FAT3: variants seen among roughly 807,000 people sequenced by gnomAD.
FAT3 encodes FAT atypical cadherin 3.
In FAT3, 95 loss-of-function variants were observed where a neutral mutation model predicts 310.2. The ratio of observed to expected loss-of-function variants is 0.31; its 90% CI spans 0.26 to 0.36. The LOEUF (loss-of-function observed/expected upper bound fraction) is 0.36. FAT3 is among the 10% of genes least tolerant of loss of function. The pLI is 1.00. For missense variants in FAT3, 5,408 were observed against 5,715.6 expected (o/e 0.95, Z 1.74); for synonymous variants, 2,314 against 2,192.9 (o/e 1.06, Z -1.54).
At chr11:92,887,667 A>T (rs776201651) in intron 25 of FAT3, among the ~76,000 whole-genome samples, 3 of 152,148 alleles carry the variant, frequency 2.0e-5, no homozygotes, top group Non-Finnish European at 2.9e-5. Context: ...TGTTGCATGC[A>T]ATTTCTCGTG....
intron 3 of FAT3, among the ~76,000 whole-genome samples, chr11:92,630,848 T>C (rs1397604962): frequency 6.6e-6 from 1 of 152,188 alleles, no homozygotes; most frequent in Non-Finnish European, 1.5e-5. Context: ...AAAGTATGGC[T>C]TCTTCATGCC....
intron 3 of FAT3, among the ~76,000 whole-genome samples, chr11:92,566,737 A>G (rs1412863057): frequency 2.0e-5 from 3 of 152,080 alleles, no homozygotes; most frequent in Admixed American, 2.0e-4. Flanking sequence ...AACACCGTAT[A>G]TGTACAACTA....
chr11:92,627,595 G>A (rs1350211908), intron 3 of FAT3, among the ~76,000 whole-genome samples: 1 of 152,160 alleles, frequency 6.6e-6, no homozygotes, highest in Non-Finnish European at 1.5e-5. Flanking sequence ...ATAAAAGGAT[G>A]AAGTCATAAA....
chr11:92,306,754 A>T (rs1318920557), intron 1 of FAT3, among the ~76,000 whole-genome samples: 19 of 127,804 alleles, frequency 1.5e-4, no homozygotes, highest in Non-Finnish European at 2.2e-4. Context: ...AATATATATA[A>T]ATATATATAT....
intron 2 of FAT3, among the ~76,000 whole-genome samples, chr11:92,377,162 A>G (rs1162355653): frequency 6.6e-6 from 1 of 152,222 alleles, no homozygotes; most frequent in East Asian, 1.9e-4. Context: ...CATGTTTATG[A>G]CCATAAGCTG....
intron 4 of FAT3, among the ~76,000 whole-genome samples, chr11:92,722,740 C>G (rs556916349): frequency 6.6e-6 from 1 of 152,222 alleles, no homozygotes; most frequent in Non-Finnish European, 1.5e-5. Flanking sequence ...CAATAATTTA[C>G]TTCTGTGCAC....
At chr11:92,330,989 TGTGTGTGTGTGTGTGAGAGA>T (rs1335223341) in intron 1 of FAT3, among the ~76,000 whole-genome samples, 2 of 121,424 alleles carry the variant, frequency 1.6e-5, no homozygotes, top group African/African-American at 1.0e-4. Context: ...TGTGTGTGTG[TGTGTGTGTGTGTGTGAGAGA>T]GAGAGAGAGA....
intron 3 of FAT3, among the ~76,000 whole-genome samples, chr11:92,645,901 G>C (rs1023915872): frequency 1.9e-4 from 29 of 152,202 alleles, no homozygotes; most frequent in Non-Finnish European, 3.2e-4. Flanking sequence ...CCACAGCTCT[G>C]TGTTGAAGTG....
rs138759176 is a variant in FAT3 at position 92,403,804 on chromosome 11, A to C, written c.3292+48400A>C. Reference sequence around the variant, plus strand: ...GTAATCCAAACACTTTGGGAGGACAAGGTGGGAGGATCACGAGGTCAGGAG... The same window carrying C: ...GTAATCCAAACACTTTGGGAGGACACGGTGGGAGGATCACGAGGTCAGGAG... On this transcript the variant is annotated intron_variant, in intron 2 of 27. Coordinates refer to ENST00000525166, the MANE Select transcript of FAT3 (RefSeq NM_001367949.2). Among the ~76,000 whole-genome samples, 56 of 152,308 alleles carry C rather than the reference A, an allele frequency of 3.7e-4. 3 individuals carry two copies. The East Asian group carries it at 0.011, about 29-fold the overall frequency.
intron 3 of FAT3, among the ~76,000 whole-genome samples, chr11:92,585,036 T>C (rs535034225): frequency 6.6e-6 from 1 of 151,906 alleles, no homozygotes; most frequent in Non-Finnish European, 1.5e-5. Context: ...TAAAAAAAAA[T>C]GTAACATCCT....
At chr11:92,241,625 T>C (rs1864671742) in intron 1 of FAT3, among the ~76,000 whole-genome samples, 1 of 152,080 alleles carries the variant, frequency 6.6e-6, no homozygotes, top group Non-Finnish European at 1.5e-5. Flanking sequence ...TAATAGTTAC[T>C]GAAGGTGGAG....
intron 10 of FAT3, 73 bp downstream of exon 10, chr11:92,801,982 G>C: frequency 7.1e-7 from 1 of 1,413,590 alleles, no homozygotes; most frequent in African/African-American, 1.4e-5. Context: ...GGGGAGAAGA[G>C]TAAGAGAGAA....
chr11:92,761,379 T>TA (rs1353644916), intron 4 of FAT3, among the ~76,000 whole-genome samples: 1 of 152,172 alleles, frequency 6.6e-6, no homozygotes, highest in Non-Finnish European at 1.5e-5. Context: ...CTCCTAATAC[T>TA]ATTGCATTGG....
chr11:92,784,711 C>T (rs1404358548), intron 7 of FAT3, among the ~76,000 whole-genome samples: 6 of 152,024 alleles, frequency 3.9e-5, no homozygotes, highest in East Asian at 1.9e-4. Context: ...CAAATGGCCC[C>T]GACTGTGGGA....
chr11:92,665,361 G>T (rs1206492481), intron 3 of FAT3, among the ~76,000 whole-genome samples: 1 of 152,124 alleles, frequency 6.6e-6, no homozygotes, highest in Non-Finnish European at 1.5e-5. Context: ...ACAGATTTTT[G>T]AAAATTTAAC....
At chr11:92,424,095 T>G (rs1258050517) in intron 2 of FAT3, among the ~76,000 whole-genome samples, 1 of 152,136 alleles carries the variant, frequency 6.6e-6, no homozygotes, top group African/African-American at 2.4e-5. Flanking sequence ...TGCTTTGTTT[T>G]GTTTTTTTAT....
intron 1 of FAT3, among the ~76,000 whole-genome samples, chr11:92,322,290 C>A (rs765799440): frequency 1.3e-5 from 2 of 152,050 alleles, no homozygotes; most frequent in Non-Finnish European, 2.9e-5. Context: ...AATATACATA[C>A]CTTAATTTAA....
At chr11:92,478,174 G>A (rs1330113488) in intron 2 of FAT3, among the ~76,000 whole-genome samples, 3 of 152,136 alleles carry the variant, frequency 2.0e-5, no homozygotes, top group African/African-American at 7.2e-5. Context: ...CAAAGATCAA[G>A]ATATTTATTT....
At chr11:92,612,294 C>CA (rs1940601617) in intron 3 of FAT3, among the ~76,000 whole-genome samples, 1 of 152,192 alleles carries the variant, frequency 6.6e-6, no homozygotes, top group Non-Finnish European at 1.5e-5. Flanking sequence ...TCCCACTTTG[C>CA]AAACTGACTC....
Sources: gnomAD v4.1 joint callset for allele counts (sites outside exome capture counted in the v4.1 genomes callset) on GRCh38, gnomAD v4.1.1 for gene constraint, MANE v1.5 for transcripts, NCBI Gene and HGNC (gene_info 2026-07-23, HGNC 2026-07-21) for gene names.